IL12RB2: variants seen among roughly 807,000 people sequenced by gnomAD.
IL12RB2 encodes the protein interleukin 12 receptor subunit beta 2, also known as interleukin-12 receptor subunit beta-2.
A neutral mutation model predicts 89.4 loss-of-function variants in IL12RB2; 82 were observed. That is an observed-to-expected ratio of 0.92 (90% CI 0.77 to 1.10). The LOEUF (loss-of-function observed/expected upper bound fraction) is 1.10. Ranked by LOEUF, IL12RB2 falls within the 50% of genes least tolerant of loss-of-function variation. The pLI, the probability that IL12RB2 is intolerant of heterozygous loss-of-function variation, is 0.00. For missense variants in IL12RB2, 963 were observed against 1,031.9 expected (o/e 0.93, Z 0.92); for synonymous variants, 368 against 370.1 (o/e 0.99, Z 0.07).
At chr1:67,364,699 T>C (rs1662487801) in intron 10 of IL12RB2, among the ~76,000 whole-genome samples, 1 of 152,206 alleles carries the variant, frequency 6.6e-6, no homozygotes, top group Non-Finnish European at 1.5e-5. Flanking sequence ...ATAGTCAGAC[T>C]TCAAGACCAC....
intron 10 of IL12RB2, among the ~76,000 whole-genome samples, chr1:67,366,280 C>T (rs1160401054): frequency 6.6e-6 from 1 of 151,656 alleles, no homozygotes; most frequent in African/African-American, 2.4e-5. Flanking sequence ...GGTGAAACCT[C>T]GTCTCTACCA....
chr1:67,392,716 C>A (rs758531217), intron 16 of IL12RB2, among the ~76,000 whole-genome samples: 1 of 150,978 alleles, frequency 6.6e-6, no homozygotes, highest in African/African-American at 2.4e-5. Flanking sequence ...CCGCAAGCTC[C>A]GCCTCCTGGG....
chr1:67,316,838 G>A (rs138635891), intron 2 of IL12RB2, among the ~76,000 whole-genome samples: 1 of 152,174 alleles, frequency 6.6e-6, no homozygotes, highest in African/African-American at 2.4e-5. Flanking sequence ...ATCCTCCCCA[G>A]GGTCCCTCCT....
At chr1:67,341,278 G>A (rs1659495174) in intron 9 of IL12RB2, among the ~76,000 whole-genome samples, 1 of 152,116 alleles carries the variant, frequency 6.6e-6, no homozygotes, top group South Asian at 2.1e-4. Flanking sequence ...AATCAGCTGG[G>A]TGTGGTGATG....
At chr1:67,370,874 C>T (rs866128472) in intron 11 of IL12RB2, among the ~76,000 whole-genome samples, 13 of 152,166 alleles carry the variant, frequency 8.5e-5, no homozygotes, top group African/African-American at 1.2e-4. Flanking sequence ...TTCTCTCCTC[C>T]GCTAAAGGTA....
chr1:67,369,383 C>A (rs1240357072), intron 11 of IL12RB2, among the ~76,000 whole-genome samples: 1 of 152,122 alleles, frequency 6.6e-6, no homozygotes, highest in Non-Finnish European at 1.5e-5. Context: ...AAAACTAAAA[C>A]CCTGTGTGGA....
At chr1:67,365,625 C>T (rs1662583888) in intron 10 of IL12RB2, among the ~76,000 whole-genome samples, 1 of 151,982 alleles carries the variant, frequency 6.6e-6, no homozygotes, top group African/African-American at 2.4e-5. Context: ...GACACAGACC[C>T]ATGATGATAT....
intron 16 of IL12RB2, among the ~76,000 whole-genome samples, chr1:67,393,508 C>T (rs557077875): frequency 6.6e-6 from 1 of 152,316 alleles, no homozygotes; most frequent in Admixed American, 6.5e-5. Context: ...AGCACTTTGG[C>T]GGCTCAGCTT....
intron 3 of IL12RB2, among the ~76,000 whole-genome samples, chr1:67,320,945 A>T (rs1450847384): frequency 1.2e-5 from 1 of 85,928 alleles, no homozygotes; most frequent in Non-Finnish European, 2.1e-5. Context: ...CCCCGTGTCC[A>T]TGTGTTCTCA....
At chr1:67,324,491 G>A (rs1657022530) in intron 4 of IL12RB2, among the ~76,000 whole-genome samples, 1 of 152,150 alleles carries the variant, frequency 6.6e-6, no homozygotes, top group South Asian at 2.1e-4. Flanking sequence ...AAGTAGCTGG[G>A]ATTATAGACA....
intron 13 of IL12RB2, among the ~76,000 whole-genome samples, chr1:67,373,940 A>C (rs1663650460): frequency 6.6e-6 from 1 of 152,218 alleles, no homozygotes; most frequent in South Asian, 2.1e-4. Flanking sequence ...TGACTTTAAA[A>C]GCTGGTTAAT....
intron 7 of IL12RB2, 120 bp downstream of exon 7, chr1:67,329,849 C>G: frequency 1.3e-6 from 1 of 767,546 alleles, no homozygotes. Flanking sequence ...AAAGTACACA[C>G]GAGAGAATTA....
chr1:67,395,581 T>C lies in IL12RB2; in HGVS notation c.2081T>C (p.Ile694Thr), dbSNP rs773714311. ...CAGCTGCCCTTGGACAGGCTCCTGA[T>C]AGACTGGCCCACGCCTGAAGATCCT... ...KTQLPLDRLLIDWPTPEDPEP... is the reference protein window; with the variant it reads ...KTQLPLDRLLTDWPTPEDPEP... The change falls in exon 17 of 17, where the codon ATA (isoleucine) becomes ACA (threonine). Residue 694 changes from isoleucine to threonine, a missense_variant. Ile to Thr is a moderately conservative substitution (Grantham distance 89). Coordinates refer to ENST00000674203, the MANE Select transcript of IL12RB2 (RefSeq NM_001374259.2). The C allele has an allele frequency of 1.2e-5, 20 of 1,614,104 alleles. No homozygotes were observed. The African/African-American group carries it at 2.0e-4, about 16-fold the overall frequency.
rs530498805 is a variant in IL12RB2, at chr1:67,327,095, G to A, written c.479+246G>A. On this transcript the variant is annotated intron_variant, in intron 5 of 16. Coordinates refer to ENST00000674203, the MANE Select transcript of IL12RB2 (RefSeq NM_001374259.2). Reference sequence around the variant, plus strand: ...CCTGCCTCAGCCTCCTGAGTGGCTGGGATTACAGGCACCCACCACCACGCC... The same window carrying A: ...CCTGCCTCAGCCTCCTGAGTGGCTGAGATTACAGGCACCCACCACCACGCC... 6.0e-4 allele frequency among the ~76,000 whole-genome samples: 91 copies of A among 151,836 alleles called. 1 individual carries two copies. In the East Asian group the frequency reaches 0.015, roughly 26 times the overall value.
intron 16 of IL12RB2, among the ~76,000 whole-genome samples, chr1:67,394,965 C>G (rs927457410): frequency 2.6e-5 from 4 of 152,144 alleles, no homozygotes; most frequent in African/African-American, 7.2e-5. Flanking sequence ...GGTAGTATAG[C>G]TTGGTTCACA....
chr1:67,374,144 A>G (rs544750763), intron 13 of IL12RB2, among the ~76,000 whole-genome samples: 1 of 152,206 alleles, frequency 6.6e-6, no homozygotes, highest in Non-Finnish European at 1.5e-5. Context: ...TTACCTCTCA[A>G]TAATACGTGG....
chr1:67,357,144 G>C (rs1045657562), intron 10 of IL12RB2, among the ~76,000 whole-genome samples: 1 of 152,126 alleles, frequency 6.6e-6, no homozygotes, highest in African/African-American at 2.4e-5. Context: ...ATCACTTGAA[G>C]CCAGGAATTT....
intron 13 of IL12RB2, among the ~76,000 whole-genome samples, chr1:67,373,747 T>C (rs887326938): frequency 1.3e-5 from 2 of 152,210 alleles, no homozygotes; most frequent in African/African-American, 4.8e-5. Context: ...AGCAGCTAGC[T>C]TTCAGGAACA....
intron 9 of IL12RB2, among the ~76,000 whole-genome samples, chr1:67,349,038 C>T (rs1271166625): frequency 6.6e-6 from 1 of 152,138 alleles, no homozygotes; most frequent in Admixed American, 6.5e-5. Context: ...CCGTCAGAGC[C>T]ACACCCCTAT....
Sources: allele counts gnomAD v4.1 joint callset (sites outside exome capture counted in the v4.1 genomes callset), GRCh38; gene constraint gnomAD v4.1.1; transcripts MANE v1.5; gene names NCBI Gene and HGNC (gene_info 2026-07-23, HGNC 2026-07-21).